ZNF599: variants seen among roughly 807,000 people sequenced by gnomAD.
The protein encoded by ZNF599 is zinc finger protein 599.
In ZNF599, 10 loss-of-function variants were observed where a neutral mutation model predicts 11.7. That is an observed-to-expected ratio of 0.86 (90% CI 0.53 to 1.45). ZNF599 has a LOEUF of 1.45. Ranked by LOEUF, ZNF599 falls within the 40% of genes most tolerant of loss-of-function variation. The pLI, the probability that ZNF599 is intolerant of heterozygous loss-of-function variation, is 0.00. For missense variants in ZNF599, 688 were observed against 713.6 expected (o/e 0.96, Z 0.41); for synonymous variants, 232 against 253.2 (o/e 0.92, Z 0.79).
the ZNF599 span, among the ~76,000 whole-genome samples, chr19:34,784,239 A>T: frequency 6.6e-6 from 1 of 152,086 alleles, no homozygotes; most frequent in Non-Finnish European, 1.5e-5. Context: ...TCACATGGCC[A>T]TCTTCTCCCT....
chr19:34,793,173 G>T, the ZNF599 span, among the ~76,000 whole-genome samples: 1 of 152,116 alleles, frequency 6.6e-6, no homozygotes, highest in Non-Finnish European at 1.5e-5. Context: ...ATTTTGCTGA[G>T]GTATGCCTTA....
the ZNF599 span, among the ~76,000 whole-genome samples, chr19:34,803,036 G>A: frequency 6.6e-6 from 1 of 152,198 alleles, no homozygotes; most frequent in South Asian, 2.1e-4. Context: ...AAGACATGGG[G>A]ATATATTAGC....
At position 34,765,243 on chromosome 19, in the gene ZNF599, T is replaced by C. The variant is rs2069135298; in HGVS notation, c.241+2073A>G. The C allele has an allele frequency of 1.2e-5, 3 of 257,732 alleles. No individual in the cohort carries two copies. The South Asian group carries it at 2.1e-4, about 18-fold the overall frequency. The allele number at this position is 257,732 out of a possible 1,614,324, so 16.0% of individuals were successfully genotyped here. ...CCCTTTTGTAGTTCCCCTGTTAAAA[T>C]GTTGGCAGGACCTCGATTTGCTTCT... On this transcript the variant is annotated intron_variant, in intron 3 of 3. Transcript: ENST00000329285.
At chr19:34,772,433 CCTT>C (rs2069189092) in intron 1 of ZNF599, 1 of 1,055,292 alleles carries the variant, frequency 9.5e-7, no homozygotes, top group African/African-American at 1.7e-5. Flanking sequence ...CCTAGAGAGT[CCTT>C]CTTCAAAGAC....
intron 1 of ZNF599, among the ~76,000 whole-genome samples, chr19:34,770,853 A>G (rs1466023878): frequency 6.6e-6 from 1 of 152,162 alleles, no homozygotes; most frequent in Non-Finnish European, 1.5e-5. Context: ...CTTTGCCGGG[A>G]AGGTTCCCCA....
At chr19:34,767,867 C>G (rs1292207359) in intron 2 of ZNF599, among the ~76,000 whole-genome samples, 1 of 152,158 alleles carries the variant, frequency 6.6e-6, no homozygotes, top group East Asian at 1.9e-4. Context: ...AGACAGAGAA[C>G]TGGGTTAGCA....
At chr19:34,804,794 A>G in the ZNF599 span, among the ~76,000 whole-genome samples, 8 of 152,234 alleles carry the variant, frequency 5.3e-5, no homozygotes, top group Non-Finnish European at 1.2e-4. Context: ...AACCGAAAAG[A>G]AAAAGCAGAT....
chr19:34,769,369 A>G lies in ZNF599; in HGVS notation c.145+60T>C, dbSNP rs1004386477. ...TGAGGCTCCTGGACCAGCCATGCCT[A>G]GAAAGGGTGGATTCAAAGAGGCTGT... On this transcript the variant is annotated intron_variant, in intron 2 of 3. Transcript: ENST00000329285. The G allele has an allele frequency of 6.6e-5, 106 of 1,612,390 alleles. 1 individual carries two copies. The highest frequency in any genetic ancestry group is 8.6e-5 in the Non-Finnish European group (101 of 1,178,960).
chr19:34,792,248 T>C, the ZNF599 span, among the ~76,000 whole-genome samples: 2 of 152,200 alleles, frequency 1.3e-5, no homozygotes, highest in Non-Finnish European at 2.9e-5. Context: ...AACTATTTTC[T>C]AATTAACTTA....
In ZNF599 at chr19:34,772,848, AG is replaced by A. The variant is rs759481409; in HGVS notation, c.-8del. The A allele has an allele frequency of 2.0e-6, 3 of 1,508,774 alleles. No individual in the cohort carries two copies. The highest frequency in any genetic ancestry group is 1.4e-5 in the African/African-American group (1 of 69,942). The allele number at this position is 1,508,774 out of a possible 1,614,324, so 93.5% of individuals were successfully genotyped here. ...CCAACGCCGGCGCCGCCATGGGCCC[AG>A]GGGGCTGGGTGAGGCCGTGAGAGTC... is the stretch of plus-strand genomic sequence containing the variant. On this transcript the variant is annotated 5_prime_UTR_variant, in exon 1 of 4. Transcript: ENST00000329285.
the ZNF599 span, among the ~76,000 whole-genome samples, chr19:34,786,608 C>A: frequency 6.6e-6 from 1 of 152,194 alleles, no homozygotes; most frequent in Non-Finnish European, 1.5e-5. Context: ...AGAGACTTGT[C>A]TGGGTAATAT....
intron 1 of ZNF599, 97 bp downstream of exon 1, chr19:34,772,727 G>A: frequency 6.5e-7 from 1 of 1,528,308 alleles, no homozygotes. Context: ...GCATCAAAAG[G>A]GAGAAGCACA....
chr19:34,766,535 A>G (rs1262172568), intron 3 of ZNF599, among the ~76,000 whole-genome samples: 1 of 152,238 alleles, frequency 6.6e-6, no homozygotes, highest in Admixed American at 6.5e-5. Context: ...CACTACATTA[A>G]TATTACTTAC....
the ZNF599 span, among the ~76,000 whole-genome samples, chr19:34,790,489 T>C: frequency 1.3e-5 from 2 of 152,116 alleles, no homozygotes; most frequent in Non-Finnish European, 2.9e-5. Context: ...CTGGAGAATA[T>C]TACACCAATT....
chr19:34,769,952 C>T (rs897378767), intron 1 of ZNF599, among the ~76,000 whole-genome samples: 6 of 152,234 alleles, frequency 3.9e-5, no homozygotes, highest in Non-Finnish European at 8.8e-5. Flanking sequence ...TAAAAGTCTC[C>T]AGGTCTGGAA....
At chr19:34,760,620 T>A in intron 3 of ZNF599, 61 bp from the exon 4 acceptor site, 1 of 1,410,770 alleles carries the variant, frequency 7.1e-7, no homozygotes. Context: ...ACAAACAAAA[T>A]CACCACTTTA....
the ZNF599 span, among the ~76,000 whole-genome samples, chr19:34,783,266 A>C: frequency 6.6e-6 from 1 of 152,238 alleles, no homozygotes; most frequent in African/African-American, 2.4e-5. Flanking sequence ...ACAGGGAAGG[A>C]TCAGGGTCAG....
Position 34,759,691 on chromosome 19 carries a change from T to C in ZNF599, c.1110A>G (p.Lys370=), listed in dbSNP as rs1170074224. The stretch of plus-strand genomic sequence containing the variant: ...TGAGGCAAAAGGTTTTTCCACATTC[T>C]TTACATAAAAATGGTTTTTCTCCTG... ...THTGEKPFLC[K]ECGKTFCLNS... The change falls in exon 4 of 4, where the codon AAA becomes AAG. Residue 370 remains lysine, a synonymous_variant. Transcript: ENST00000329285. The C allele has an allele frequency of 6.2e-7, 1 of 1,614,184 alleles. No individual in the cohort carries two copies. The highest frequency in any genetic ancestry group is 8.5e-7 in the Non-Finnish European group (1 of 1,180,038).
At chr19:34,783,081 G>A in the ZNF599 span, among the ~76,000 whole-genome samples, 2 of 152,360 alleles carry the variant, frequency 1.3e-5, no homozygotes, top group East Asian at 1.9e-4. Flanking sequence ...CAGGCAGATA[G>A]ACACCAAATG....
Sources: gnomAD v4.1 joint callset for allele counts (sites outside exome capture counted in the v4.1 genomes callset) on GRCh38, gnomAD v4.1.1 for gene constraint, MANE v1.5 for transcripts, NCBI Gene and HGNC (gene_info 2026-07-23, HGNC 2026-07-21) for gene names.